PLXDC2: variants seen among roughly 807,000 people sequenced by gnomAD.
The protein encoded by PLXDC2 is plexin domain-containing protein 2.
PLXDC2 carries 40 observed loss-of-function variants against 68.9 expected under a neutral mutation model. The observed-to-expected ratio is 0.58, with a 90% confidence interval of 0.45 to 0.76. The LOEUF is 0.76. Ranked by LOEUF, PLXDC2 falls within the 30% of genes least tolerant of loss-of-function variation. The probability of loss-of-function intolerance (pLI) is 0.00; values close to 1 mark genes in which losing one functional copy is unlikely to be tolerated. For synonymous variants in PLXDC2, 243 were observed against 234.2 expected (o/e 1.04, Z -0.34); for missense variants, 644 against 661.9 (o/e 0.97, Z 0.30).
chr10:20,119,596 G>T (rs542551810), intron 4 of PLXDC2, among the ~76,000 whole-genome samples: 4 of 149,886 alleles, frequency 2.7e-5, no homozygotes, highest in African/African-American at 9.7e-5. Flanking sequence ...GGGCTCAGAG[G>T]CCTGACATTC....
At chr10:19,871,445 T>A (rs191291276) in intron 1 of PLXDC2, among the ~76,000 whole-genome samples, 1 of 152,204 alleles carries the variant, frequency 6.6e-6, no homozygotes, top group Non-Finnish European at 1.5e-5. Context: ...GGTTTCCTTT[T>A]TTAAATTCTT....
At chr10:20,005,963 G>A (rs1467694319) in intron 2 of PLXDC2, among the ~76,000 whole-genome samples, 5 of 152,138 alleles carry the variant, frequency 3.3e-5, no homozygotes, top group African/African-American at 4.8e-5. Flanking sequence ...GCTGAAGTGC[G>A]CAGATCACCT....
intron 1 of PLXDC2, among the ~76,000 whole-genome samples, chr10:19,820,463 C>G (rs1836442579): frequency 6.6e-6 from 1 of 150,572 alleles, no homozygotes; most frequent in Admixed American, 6.6e-5. Context: ...GACCCCGTCT[C>G]TACTAAAAAT....
intron 12 of PLXDC2, among the ~76,000 whole-genome samples, 191 bp from the exon 13 acceptor site, chr10:20,245,154 C>G (rs1006018300): frequency 6.6e-6 from 1 of 152,172 alleles, no homozygotes; most frequent in Non-Finnish European, 1.5e-5. Context: ...TGTATTTTTA[C>G]TCATGAATCC....
At chr10:19,961,973 C>G (rs571641978) in intron 1 of PLXDC2, among the ~76,000 whole-genome samples, 2 of 152,300 alleles carry the variant, frequency 1.3e-5, no homozygotes, top group South Asian at 2.1e-4. Context: ...ATTATAACAT[C>G]TCCTATGCCT....
chr10:20,244,887 A>G (rs1835568279), intron 12 of PLXDC2, among the ~76,000 whole-genome samples: 2 of 152,156 alleles, frequency 1.3e-5, no homozygotes, highest in Non-Finnish European at 2.9e-5. Flanking sequence ...AGGCTGAGGC[A>G]GGCGGATCAC....
chr10:19,838,862 G>A (rs1836849192), intron 1 of PLXDC2, among the ~76,000 whole-genome samples: 1 of 152,150 alleles, frequency 6.6e-6, no homozygotes, highest in African/African-American at 2.4e-5. Context: ...ACAAGTTTAA[G>A]CTTCGGCTCC....
chr10:19,840,818 T>C (rs1371933477), intron 1 of PLXDC2, among the ~76,000 whole-genome samples: 1 of 152,154 alleles, frequency 6.6e-6, no homozygotes, highest in Non-Finnish European at 1.5e-5. Flanking sequence ...AATTGGTATA[T>C]AATTTCAATT....
At position 20,211,632 on chromosome 10, in the gene PLXDC2, C is replaced by A. The variant is rs759924135; in HGVS notation, c.1062-37C>A. On this transcript the variant is annotated intron_variant, in intron 9 of 13. Transcript: ENST00000377252. The stretch of plus-strand genomic sequence containing the variant: ...TCTGTCCACCACCCTGCACCCTATC[C>A]TTCCTTTTCTGAACTGCATTGTGGT... 8 of 1,604,724 alleles carry A rather than the reference C, an allele frequency of 5.0e-6. No individual in the cohort carries two copies. The South Asian group carries it at 6.6e-5, about 13-fold the overall frequency.
intron 1 of PLXDC2, among the ~76,000 whole-genome samples, chr10:19,973,464 A>C (rs1834396317): frequency 6.8e-6 from 1 of 147,580 alleles, no homozygotes; most frequent in South Asian, 2.2e-4. Context: ...ATTTGGTAGG[A>C]AAAGAAGGAT....
At chr10:20,172,141 C>T (rs1834455251) in intron 7 of PLXDC2, among the ~76,000 whole-genome samples, 1 of 151,566 alleles carries the variant, frequency 6.6e-6, no homozygotes, top group African/African-American at 2.4e-5. Flanking sequence ...TCAGTGGCTG[C>T]CTCTGAGGCC....
intron 12 of PLXDC2, among the ~76,000 whole-genome samples, chr10:20,230,093 A>AGTATAC (rs1835340990): frequency 6.6e-6 from 1 of 152,236 alleles, no homozygotes; most frequent in African/African-American, 2.4e-5. Flanking sequence ...AAATACAAAC[A>AGTATAC]TACTAGTAAC....
intron 4 of PLXDC2, among the ~76,000 whole-genome samples, chr10:20,113,746 C>T (rs749736871): frequency 4.6e-5 from 7 of 152,160 alleles, no homozygotes; most frequent in Non-Finnish European, 7.4e-5. Context: ...TTGATTTTGC[C>T]ATGTACCCTT....
chr10:20,282,014 G>C lies in PLXDC2; in HGVS notation c.*2195G>C, dbSNP rs115002997. ...TAATGTTATTCTTATACCCTTCAGC[G>C]TTCTATTTTGATTCAAAACAATTGA... On this transcript the variant is annotated 3_prime_UTR_variant, in exon 14 of 14. Transcript: ENST00000377252. The C allele has an allele frequency of 2.0e-5, 3 of 151,946 alleles. No homozygotes were observed. Among genetic ancestry groups the C allele is most frequent in the African/African-American group, 7.2e-5 (3 of 41,380 alleles). 9.4% of individuals were successfully genotyped at this position (151,946 alleles called of 1,614,324 possible). A position where few individuals can be genotyped will look rare whatever the true frequency, so the allele number is the denominator to read the frequency against.
intron 13 of PLXDC2, among the ~76,000 whole-genome samples, chr10:20,266,933 A>G (rs1473741600): frequency 6.6e-6 from 1 of 152,200 alleles, no homozygotes; most frequent in African/African-American, 2.4e-5. Context: ...AAACAGCATC[A>G]TGAAATGACG....
chr10:20,008,293 G>A (rs1835059320), intron 2 of PLXDC2, among the ~76,000 whole-genome samples: 1 of 152,158 alleles, frequency 6.6e-6, no homozygotes, highest in South Asian at 2.1e-4. Flanking sequence ...GGTGGCTTAC[G>A]CCTGTAATCC....
intron 13 of PLXDC2, among the ~76,000 whole-genome samples, chr10:20,262,509 C>T (rs1390813292): frequency 6.6e-6 from 1 of 152,132 alleles, no homozygotes; most frequent in Admixed American, 6.5e-5. Context: ...TCCAGGCTGC[C>T]ATCTTTGGCA....
rs560907069 is a variant in PLXDC2, at chr10:19,867,137, C to T, written c.112+49946C>T. Among the ~76,000 whole-genome samples the T allele has an allele frequency of 2.1e-5, 3 of 144,306 alleles. No homozygotes were observed. The Admixed American group carries it at 2.3e-4, about 11-fold the overall frequency. The allele number at this position is 144,306 out of a possible 152,430, so 94.7% of individuals were successfully genotyped here. A position where few individuals can be genotyped will look rare whatever the true frequency, so the allele number is the denominator to read the frequency against. ...CTGGAGTGCAATGTTGCGATCTTGG[C>T]TCACTGCAATATCCACCTCCTGAGT... On this transcript the variant is annotated intron_variant, in intron 1 of 13. Coordinates refer to ENST00000377252, the MANE Select transcript of PLXDC2 (RefSeq NM_032812.9).
intron 3 of PLXDC2, among the ~76,000 whole-genome samples, chr10:20,048,494 AT>A (rs1239024348): frequency 1.3e-5 from 2 of 152,106 alleles, no homozygotes; most frequent in African/African-American, 4.8e-5. Context: ...TAAAGATTAG[AT>A]TTTAACAATG....
Sources: allele counts gnomAD v4.1 joint callset (sites outside exome capture counted in the v4.1 genomes callset), GRCh38; gene constraint gnomAD v4.1.1; transcripts MANE v1.5; gene names NCBI Gene and HGNC (gene_info 2026-07-23, HGNC 2026-07-21).